CDIN1: variants seen among roughly 807,000 people sequenced by gnomAD.
CDIN1 encodes CDAN1-interacting nuclease 1.
A neutral mutation model predicts 45.3 loss-of-function variants in CDIN1; 33 were observed. The ratio of observed to expected loss-of-function variants is 0.73; its 90% CI spans 0.55 to 0.97. The LOEUF (loss-of-function observed/expected upper bound fraction) is 0.97. Ranked by LOEUF, CDIN1 falls within the 50% of genes least tolerant of loss-of-function variation. The probability of loss-of-function intolerance (pLI) is 0.00; values close to 1 mark genes in which losing one functional copy is unlikely to be tolerated. For missense variants in CDIN1, 303 were observed against 339.4 expected (o/e 0.89, Z 0.84); for synonymous variants, 118 against 124.4 (o/e 0.95, Z 0.34).
At position 36,808,522 on chromosome 15, in the gene CDIN1, T is replaced by C. The variant is rs1311715234; in HGVS notation, c.*69T>C. On this transcript the variant is annotated 3_prime_UTR_variant, in exon 11 of 11. Transcript: ENST00000566621. ...CGGAAGCAATTTTACTTTCCTGCACTGTAAGATCCTGGCAACATCTGCCCT... is the reference window on the plus strand; with the variant it reads ...CGGAAGCAATTTTACTTTCCTGCACCGTAAGATCCTGGCAACATCTGCCCT... The C allele has an allele frequency of 3.2e-6, 5 of 1,573,516 alleles. No homozygotes were observed. Among genetic ancestry groups the C allele is most frequent in the African/African-American group, 1.4e-5 (1 of 74,054 alleles).
chr15:36,672,943 ACT>A (rs1254573484), intron 5 of CDIN1, among the ~76,000 whole-genome samples: 4 of 152,020 alleles, frequency 2.6e-5, no homozygotes, highest in Admixed American at 2.6e-4. Flanking sequence ...TATACTAATT[ACT>A]CTCTTTCACG....
At chr15:36,725,109 G>A (rs1006235942) in intron 10 of CDIN1, among the ~76,000 whole-genome samples, 2 of 151,952 alleles carry the variant, frequency 1.3e-5, no homozygotes, top group Admixed American at 6.6e-5. Context: ...TTGACACAAC[G>A]GTACAATGCT....
At chr15:36,712,312 G>A (rs897427717) in intron 10 of CDIN1, among the ~76,000 whole-genome samples, 1 of 143,400 alleles carries the variant, frequency 7.0e-6, no homozygotes, top group African/African-American at 2.7e-5. Context: ...GTCATCCAGG[G>A]TGGAGTGCAG....
At chr15:36,736,268 C>T (rs545337567) in intron 10 of CDIN1, among the ~76,000 whole-genome samples, 8 of 152,098 alleles carry the variant, frequency 5.3e-5, no homozygotes, top group Non-Finnish European at 1.2e-4. Flanking sequence ...TCTTCCTTTC[C>T]TCAGTTTTCC....
rs1172833978 is a variant in CDIN1 at position 36,598,467 on chromosome 15, G to GT, written c.101+18515dup. ...CATGATCAGGCCAACATGCATTCATGTTTTTTTTTGAAAAGCCCTATTGAC... is the reference window on the plus strand; with the variant it reads ...CATGATCAGGCCAACATGCATTCATGTTTTTTTTTTGAAAAGCCCTATTGAC... On this transcript the variant is annotated intron_variant, in intron 1 of 10. Transcript: ENST00000566621. Among the ~76,000 whole-genome samples, 10 of 151,230 alleles carry GT rather than the reference G, an allele frequency of 6.6e-5. No individual in the cohort carries two copies. In the East Asian group the frequency reaches 9.7e-4, roughly 15 times the overall value.
rs190562018 is a variant in CDIN1 at position 36,673,848 on chromosome 15, C to T, written c.346+15943C>T. Among the ~76,000 whole-genome samples the T allele has an allele frequency of 3.9e-5, 6 of 152,122 alleles. No individual in the cohort carries two copies. The South Asian group carries it at 1.0e-3, about 26-fold the overall frequency. ...CAAGGACATTTCTTAGACTGATGCT[C>T]ATGCTTTTGTATAGAGTAAGGAATT... On this transcript the variant is annotated intron_variant, in intron 5 of 10. Coordinates refer to ENST00000566621, the MANE Select transcript of CDIN1 (RefSeq NM_001321759.2).
intron 10 of CDIN1, among the ~76,000 whole-genome samples, chr15:36,796,687 T>G (rs1242231482): frequency 6.6e-6 from 1 of 152,240 alleles, no homozygotes; most frequent in Non-Finnish European, 1.5e-5. Flanking sequence ...GATGTTGCCC[T>G]GTCGGGAACC....
intron 1 of CDIN1, chr15:36,618,778 AAAG>A: frequency 3.9e-6 from 3 of 774,856 alleles, no homozygotes; most frequent in South Asian, 1.4e-5. Context: ...AAAAAAAAAA[AAAG>A]GATCTAATAG....
intron 10 of CDIN1, among the ~76,000 whole-genome samples, chr15:36,746,669 C>CACACACACA (rs2044448487): frequency 2.1e-5 from 3 of 141,434 alleles, no homozygotes; most frequent in Non-Finnish European, 3.0e-5. Context: ...ATATATGGTT[C>CACACACACA]CACACACACA....
intron 10 of CDIN1, among the ~76,000 whole-genome samples, chr15:36,798,211 AAAG>A (rs755880537): frequency 7.2e-5 from 11 of 152,278 alleles, no homozygotes; most frequent in Admixed American, 5.9e-4. Context: ...TTACATTTTA[AAAG>A]AAGTGTTTGT....
At chr15:36,670,232 C>T (rs1406555922) in intron 5 of CDIN1, among the ~76,000 whole-genome samples, 3 of 151,966 alleles carry the variant, frequency 2.0e-5, no homozygotes, top group Non-Finnish European at 4.4e-5. Flanking sequence ...TTCCATACTC[C>T]TTCTTCTCTT....
At chr15:36,751,824 G>C (rs1025544016) in intron 10 of CDIN1, among the ~76,000 whole-genome samples, 3 of 152,220 alleles carry the variant, frequency 2.0e-5, no homozygotes, top group East Asian at 3.9e-4. Context: ...GCCATAAAAA[G>C]GAACAAGATC....
chr15:36,697,401 T>C lies in CDIN1; in HGVS notation c.544+11T>C. On this transcript the variant is annotated intron_variant, in intron 8 of 10. Coordinates refer to ENST00000566621, the MANE Select transcript of CDIN1 (RefSeq NM_001321759.2). ...ACCTGTCCTTCCTAGGTAAGTATTATTCACATCTTCTCTAGCTTGTGTTGT... is the reference window on the plus strand; with the variant it reads ...ACCTGTCCTTCCTAGGTAAGTATTACTCACATCTTCTCTAGCTTGTGTTGT... The C allele has an allele frequency of 1.3e-6, 2 of 1,599,450 alleles. No homozygotes were observed. Among genetic ancestry groups the C allele is most frequent in the Admixed American group, 3.5e-5 (2 of 57,856 alleles).
chr15:36,746,020 T>C (rs1230781226), intron 10 of CDIN1, among the ~76,000 whole-genome samples: 1 of 151,986 alleles, frequency 6.6e-6, no homozygotes, highest in Non-Finnish European at 1.5e-5. Context: ...GACACAGAAA[T>C]ATATACAAAA....
chr15:36,692,023 CG>C, intron 6 of CDIN1, 102 bp from the exon 7 acceptor site: 3 of 574,846 alleles, frequency 5.2e-6, no homozygotes, highest in Non-Finnish European at 2.2e-6. Flanking sequence ...TTTTGGGGGG[CG>C]GGGGTGGGGG....
chr15:36,700,082 G>T (rs892745269), intron 8 of CDIN1, among the ~76,000 whole-genome samples: 2 of 152,068 alleles, frequency 1.3e-5, no homozygotes, highest in Non-Finnish European at 2.9e-5. Context: ...CTTTCATGGG[G>T]TTATGGTCCA....
chr15:36,645,404 T>C (rs1429227648), intron 3 of CDIN1, 117 bp downstream of exon 3: 1 of 957,308 alleles, frequency 1.0e-6, no homozygotes, highest in Non-Finnish European at 1.5e-6. Flanking sequence ...GTGTTTTAAG[T>C]ATTTTATTCA....
At chr15:36,687,999 A>G (rs988958583) in intron 5 of CDIN1, among the ~76,000 whole-genome samples, 2 of 152,196 alleles carry the variant, frequency 1.3e-5, no homozygotes, top group African/African-American at 4.8e-5. Context: ...AAATTGTGGC[A>G]TGTAGCTAAA....
intron 10 of CDIN1, among the ~76,000 whole-genome samples, chr15:36,791,889 G>C (rs11639395): frequency 0.86 from 130,770 of 152,192 alleles, 59,733 homozygotes; most frequent in Non-Finnish European, 1. Context: ...CCTTTTGTAA[G>C]CATGAGATGC....
Sources: allele counts gnomAD v4.1 joint callset (sites outside exome capture counted in the v4.1 genomes callset), GRCh38; gene constraint gnomAD v4.1.1; transcripts MANE v1.5; gene names NCBI Gene and HGNC (gene_info 2026-07-23, HGNC 2026-07-21).